Variants in PI4KB observed in about 807,000 individuals in gnomAD.
The protein encoded by PI4KB is phosphatidylinositol 4-kinase beta.
Under a neutral mutation model 81.4 loss-of-function variants are expected in PI4KB, and 23 were observed. That is an observed-to-expected ratio of 0.28 (90% CI 0.20 to 0.40). PI4KB has a LOEUF of 0.40. Ranked by LOEUF, PI4KB falls within the 10% of genes least tolerant of loss-of-function variation. PI4KB has a pLI of 1.00. For missense variants in PI4KB, 651 were observed against 1,036.6 expected, an observed-to-expected ratio of 0.63 and a Z score of 5.11; for synonymous variants, 381 against 406.8, an observed-to-expected ratio of 0.94 and a Z score of 0.76.
intron 1 of PI4KB, among the ~76,000 whole-genome samples, chr1:151,327,036 AG>A: frequency 6.6e-6 from 1 of 152,080 alleles, no homozygotes; most frequent in Non-Finnish European, 1.5e-5. Context: ...TGAGTGAGGG[AG>A]GGGGGAATCC....
At chr1:151,310,797 C>T (rs1422920660) in intron 2 of PI4KB, among the ~76,000 whole-genome samples, 1 of 152,084 alleles carries the variant, frequency 6.6e-6, no homozygotes, top group Non-Finnish European at 1.5e-5. Context: ...CTCTAATTAG[C>T]CTCATTATCA....
intron 11 of PI4KB, chr1:151,293,726 G>T (rs972361954): frequency 5.3e-6 from 2 of 378,824 alleles, no homozygotes; most frequent in Non-Finnish European, 9.7e-6. Context: ...GAGCTGGACA[G>T]GGGTGGGGAG....
chr1:151,316,649 A>G (rs1228801597), intron 1 of PI4KB, 140 bp from the exon 2 acceptor site: 1 of 543,106 alleles, frequency 1.8e-6, no homozygotes, highest in Non-Finnish European at 3.1e-6. Context: ...CTCCTTCAAA[A>G]TCAGATAAGA....
rs1208155230 is a variant in PI4KB at position 151,319,454 on chromosome 1, A to G, written c.-28-2945T>C. 3.9e-5 allele frequency among the ~76,000 whole-genome samples: 6 copies of G among 152,280 alleles called. No individual in the cohort carries two copies. In the East Asian group the frequency reaches 9.6e-4, roughly 24 times the overall value. ...ACTTATGACAGCCTTTTCTGCCCCAATACCACTCCCCCCACTGTCATACAC... is the reference window on the plus strand; with the variant it reads ...ACTTATGACAGCCTTTTCTGCCCCAGTACCACTCCCCCCACTGTCATACAC... On this transcript the variant is annotated intron_variant, in intron 1 of 11. Coordinates refer to ENST00000368873, the MANE Select transcript of PI4KB (RefSeq NM_001369623.2).
intron 1 of PI4KB, among the ~76,000 whole-genome samples, chr1:151,319,429 AC>A (rs1324188796): frequency 6.6e-6 from 1 of 152,220 alleles, no homozygotes; most frequent in East Asian, 1.9e-4. Context: ...TTCCAGAAAT[AC>A]TTATGACAGC....
chr1:151,319,907 G>A (rs901125575), intron 1 of PI4KB, among the ~76,000 whole-genome samples: 3 of 152,214 alleles, frequency 2.0e-5, no homozygotes, highest in African/African-American at 7.2e-5. Context: ...CAACCCCGGT[G>A]ACCCTGGATG....
chr1:151,322,881 C>T (rs569373093), intron 1 of PI4KB, among the ~76,000 whole-genome samples: 2 of 152,230 alleles, frequency 1.3e-5, no homozygotes, highest in East Asian at 1.9e-4. Flanking sequence ...TACCCTCCCG[C>T]CTAGGCCTCC....
intron 2 of PI4KB, among the ~76,000 whole-genome samples, chr1:151,314,129 T>A (rs1018846312): frequency 3.2e-4 from 49 of 152,342 alleles, no homozygotes; most frequent in African/African-American, 1.2e-3. Context: ...CTCTATAGTC[T>A]CCCTCCCTCT....
At chr1:151,312,821 T>C (rs1464418164) in intron 2 of PI4KB, among the ~76,000 whole-genome samples, 6 of 152,166 alleles carry the variant, frequency 3.9e-5, no homozygotes, top group Non-Finnish European at 8.8e-5. Context: ...TGAGACTAGC[T>C]TGGGCAATAG....
chr1:151,316,397 G>T lies in PI4KB; in HGVS notation c.85C>A (p.Leu29Met). 6.3e-7 allele frequency: 1 copy of T among 1,599,606 alleles called. No individual in the cohort carries two copies. ...SGPPGNNGGS[L>M]LSVITEGVGE... ...ACCCCCTCCGTGATGACACTTAGCA[G>T]GGACCCCCCATTATTCCCTGGTGGG... The change falls in exon 2 of 12, where the codon CTG becomes ATG. Residue 29 changes from leucine to methionine, a missense_variant. Physicochemically the swap from Leu to Met is conservative, Grantham distance 15. This residue lies in a region of PI4KB where 314 missense variants were observed against 397.8 expected (regional missense o/e 0.79). Transcript: ENST00000368873.
intron 1 of PI4KB, among the ~76,000 whole-genome samples, chr1:151,324,286 G>C (rs754503747): frequency 1.3e-5 from 2 of 152,144 alleles, no homozygotes; most frequent in Non-Finnish European, 2.9e-5. Context: ...AAGAGAGGTT[G>C]CTCCTCAAAA....
chr1:151,305,461 T>C (rs1005691400), intron 5 of PI4KB, among the ~76,000 whole-genome samples: 9 of 152,202 alleles, frequency 5.9e-5, no homozygotes, highest in Middle Eastern at 3.2e-3. Context: ...ATTCCTATAA[T>C]GGCCCAAGCT....
chr1:151,307,458 C>G, intron 4 of PI4KB, 116 bp downstream of exon 4: 3 of 667,130 alleles, frequency 4.5e-6, no homozygotes, highest in South Asian at 1.8e-5. Flanking sequence ...GCATCATGAA[C>G]TATGAAGGGA....
rs745439382 is a variant in PI4KB, at chr1:151,310,215, C to T, written c.950G>A (p.Ser317Asn). The T allele has an allele frequency of 1.3e-6, 2 of 1,599,596 alleles. No homozygotes were observed. Among genetic ancestry groups the T allele is most frequent in the Non-Finnish European group, 1.7e-6 (2 of 1,172,168 alleles). ...TCCCAGCCTGGCCCCACTTACGGAACTGAATGAATTATCAATACTCTCGGT... is the reference window on the plus strand; with the variant it reads ...TCCCAGCCTGGCCCCACTTACGGAATTGAATGAATTATCAATACTCTCGGT... ...SSTESIDNSF[S>N]SPVRLAPERE... is the part of the protein sequence containing the mutation. Residue 317 changes from serine to asparagine, a missense_variant, in exon 3 of 12, where the codon AGT (serine) becomes AAT (asparagine). Ser to Asn is a conservative substitution (Grantham distance 46, BLOSUM62 1). Coordinates refer to ENST00000368873, the MANE Select transcript of PI4KB (RefSeq NM_001369623.2).
Position 151,303,537 on chromosome 1 carries a change from A to G in PI4KB, c.1520+4T>C, listed in dbSNP as rs1352712593. On this transcript the variant is annotated splice_donor_region_variant and intron_variant, in intron 6 of 11. Transcript: ENST00000368873. ...AAATGAGGGGCAATGTGATCTGGCCATACCGGATGTCCCCTGCTGCAATGA... is the reference window on the plus strand; with the variant it reads ...AAATGAGGGGCAATGTGATCTGGCCGTACCGGATGTCCCCTGCTGCAATGA... 1 of 1,581,540 alleles carries G rather than the reference A, an allele frequency of 6.3e-7. No individual in the cohort carries two copies.
At chr1:151,326,091 G>C (rs2102033543) in intron 1 of PI4KB, 2 of 1,276,446 alleles carry the variant, frequency 1.6e-6, no homozygotes, top group African/African-American at 1.5e-5. Context: ...CATGGATCTG[G>C]ACAGGGGTGA....
In PI4KB at chr1:151,306,329, C is replaced by T; in HGVS notation, c.1217G>A (p.Cys406Tyr). The change falls in exon 5 of 12, where the codon TGT (cysteine) becomes TAT (tyrosine). Residue 406 changes from cysteine (C) to tyrosine (Y), a missense_variant. Cys to Tyr is a radical substitution (Grantham distance 194). Transcript: ENST00000368873. ...PYLIYVEVLE[C>Y]ENFDTTSVPA... ...GACACTGGTGGTGTCAAAGTTTTCA[C>T]ATTCAAGGACTTCCACATAAATCAG... is the stretch of plus-strand genomic sequence containing the variant. 6.2e-7 allele frequency: 1 copy of T among 1,614,088 alleles called. No individual in the cohort carries two copies. Among genetic ancestry groups the T allele is most frequent in the Non-Finnish European group, 8.5e-7 (1 of 1,179,942 alleles).
At position 151,315,828 on chromosome 1, in the gene PI4KB, G is replaced by C. The variant is rs766354191; in HGVS notation, c.654C>G (p.Ala218=). ...FSLQCALLLG[A]YSSDMHISTQ... ...TGGAAATGTGCATGTCTGAAGAATA[G>C]GCCCCAAGCAACAGGGCACACTGGA... Residue 218 remains alanine (A), a synonymous_variant, in exon 2 of 12, where the codon GCC becomes GCG. Transcript: ENST00000368873. 2.5e-6 allele frequency: 4 copies of C among 1,613,434 alleles called. No homozygotes were observed. The highest frequency in any genetic ancestry group is 2.2e-5 in the East Asian group (1 of 44,884).
At chr1:151,326,131 C>T in intron 1 of PI4KB, 2 of 1,599,030 alleles carry the variant, frequency 1.3e-6, no homozygotes, top group Non-Finnish European at 1.7e-6. Flanking sequence ...ATTCCTTTAA[C>T]AAAAGCCTAA....
Sources: gnomAD v4.1 joint callset for allele counts (sites outside exome capture counted in the v4.1 genomes callset) on GRCh38, gnomAD v4.1.1 for gene constraint, gnomAD v4.1.1 regional missense constraint, MANE v1.5 for transcripts, NCBI Gene and HGNC (gene_info 2026-07-23, HGNC 2026-07-21) for gene names.